Variants in MIS18A observed in about 807,000 individuals in gnomAD.
MIS18A encodes protein Mis18-alpha.
Under a neutral mutation model 25.0 loss-of-function variants are expected in MIS18A, and 14 were observed. The ratio of observed to expected loss-of-function variants is 0.56; its 90% CI spans 0.37 to 0.88. The LOEUF is 0.88. Among genes scored for constraint, MIS18A ranks in the 40% least tolerant of loss-of-function variants. The probability of loss-of-function intolerance (pLI) is 0.00; values close to 1 mark genes in which losing one functional copy is unlikely to be tolerated. For missense variants in MIS18A, 292 were observed against 290.8 expected, an observed-to-expected ratio of 1.00 and a Z score of -0.03; for synonymous variants, 134 against 118.6, an observed-to-expected ratio of 1.13 and a Z score of -0.84.
the MIS18A span, among the ~76,000 whole-genome samples, chr21:32,177,771 T>C: frequency 1.3e-5 from 2 of 152,108 alleles, no homozygotes; most frequent in East Asian, 3.8e-4. Context: ...ATTATATTAT[T>C]AATTAGTAAT....
chr21:32,230,181 T>C, the MIS18A span, among the ~76,000 whole-genome samples: 1 of 152,230 alleles, frequency 6.6e-6, no homozygotes, highest in Non-Finnish European at 1.5e-5. Context: ...ATTATCATCT[T>C]TGGATGGCTA....
chr21:32,260,362 CAAGT>C, the MIS18A span: 3 of 151,376 alleles, frequency 2.0e-5, no homozygotes, highest in Non-Finnish European at 4.4e-5. Flanking sequence ...TCTTGAAGGA[CAAGT>C]AAGAACTGTA....
rs2031660956 is a variant in MIS18A, at chr21:32,268,972, T to C, written c.*65A>G. On this transcript the variant is annotated 3_prime_UTR_variant, in exon 5 of 5. Coordinates refer to ENST00000290130, the MANE Select transcript of MIS18A (RefSeq NM_018944.3). ...TTTTTGTAGAGACGACGTCTCACTA[T>C]GTTGCTTCATTTAACAAATAAGGGG... 3 of 1,175,636 alleles carry C rather than the reference T, an allele frequency of 2.6e-6. No individual in the cohort carries two copies. Among genetic ancestry groups the C allele is most frequent in the East Asian group, 2.4e-5 (1 of 41,984 alleles). 72.8% of individuals were successfully genotyped at this position (1,175,636 alleles called of 1,614,324 possible). A position where few individuals can be genotyped will look rare whatever the true frequency, so the allele number is the denominator to read the frequency against.
the MIS18A span, among the ~76,000 whole-genome samples, chr21:32,184,006 T>C: frequency 1.3e-5 from 2 of 152,196 alleles, no homozygotes; most frequent in African/African-American, 4.8e-5. Context: ...CCAAGTTATA[T>C]ATGAGTCTCA....
chr21:32,244,872 A>C, the MIS18A span, among the ~76,000 whole-genome samples: 1 of 152,236 alleles, frequency 6.6e-6, no homozygotes, highest in Non-Finnish European at 1.5e-5. Flanking sequence ...CCATATTTTA[A>C]AAGTATGCTC....
the MIS18A span, among the ~76,000 whole-genome samples, chr21:32,217,965 G>A: frequency 1.1e-4 from 16 of 151,894 alleles, no homozygotes; most frequent in East Asian, 2.3e-3. Context: ...AGGCTGAGGC[G>A]GGCGGATCAC....
chr21:32,266,763 C>T (rs1438832267), downstream of MIS18A, among the ~76,000 whole-genome samples: 4 of 152,084 alleles, frequency 2.6e-5, no homozygotes, highest in South Asian at 2.1e-4. Flanking sequence ...CGAGAGTCCG[C>T]GGCTTCATTC....
At chr21:32,250,683 C>T in the MIS18A span, among the ~76,000 whole-genome samples, 6 of 152,322 alleles carry the variant, frequency 3.9e-5, no homozygotes, top group African/African-American at 1.2e-4. Flanking sequence ...GCCATCTAGA[C>T]GCCCTTGGCC....
intron 2 of MIS18A, among the ~76,000 whole-genome samples, chr21:32,273,072 T>A (rs766557348): frequency 4.5e-4 from 69 of 151,988 alleles, no homozygotes; most frequent in Non-Finnish European, 7.6e-4. Flanking sequence ...CCACAAACCA[T>A]CTGTACTATT....
At chr21:32,198,566 C>G in the MIS18A span, among the ~76,000 whole-genome samples, 1 of 152,200 alleles carries the variant, frequency 6.6e-6, no homozygotes, top group African/African-American at 2.4e-5. Flanking sequence ...AAGCACTAGG[C>G]AGTCTGCCCG....
the MIS18A span, among the ~76,000 whole-genome samples, chr21:32,247,347 T>C: frequency 7.2e-5 from 11 of 151,862 alleles, no homozygotes; most frequent in Non-Finnish European, 1.5e-4. Context: ...GGAAAAGGAG[T>C]TCCTTAGTGG....
downstream of MIS18A, among the ~76,000 whole-genome samples, chr21:32,266,871 C>T (rs2031615579): frequency 6.6e-6 from 1 of 152,102 alleles, no homozygotes; most frequent in Non-Finnish European, 1.5e-5. Context: ...GCTCATTTAC[C>T]AGAAACGACC....
In MIS18A at chr21:32,270,443, C is replaced by G; in HGVS notation, c.488G>C (p.Arg163Thr). The change falls in exon 3 of 5, where the codon AGA becomes ACA. Residue 163 changes from arginine to threonine, a missense_variant. Coordinates refer to ENST00000290130, the MANE Select transcript of MIS18A (RefSeq NM_018944.3). Reference sequence around the variant, plus strand: ...TTCAACACTGAGGCAAAACAAGTCTCTCTTGTAATCAAGATTCTTGGGCGT... The same window carrying G: ...TTCAACACTGAGGCAAAACAAGTCTGTCTTGTAATCAAGATTCTTGGGCGT... ...RCTPKNLDYK[R>T]DLFCLSVEAI... The G allele has an allele frequency of 6.2e-7, 1 of 1,613,792 alleles. No homozygotes were observed. The highest frequency in any genetic ancestry group is 8.5e-7 in the Non-Finnish European group (1 of 1,179,904).
At chr21:32,278,421 A>T (rs2031858907) in intron 1 of MIS18A, 1 of 493,610 alleles carries the variant, frequency 2.0e-6, no homozygotes, top group Admixed American at 3.9e-5. Flanking sequence ...TTTGTTTCTG[A>T]GTAATGCTCA....
At chr21:32,191,795 C>T in the MIS18A span, among the ~76,000 whole-genome samples, 1 of 151,646 alleles carries the variant, frequency 6.6e-6, no homozygotes, top group Admixed American at 6.6e-5. Context: ...ATTCCAGCTA[C>T]TTGGGAGGCT....
At chr21:32,213,254 C>A in the MIS18A span, among the ~76,000 whole-genome samples, 1 of 152,034 alleles carries the variant, frequency 6.6e-6, no homozygotes, top group African/African-American at 2.4e-5. Context: ...AGATTGGAAA[C>A]AACCCAAATG....
the MIS18A span, among the ~76,000 whole-genome samples, chr21:32,233,845 C>T: frequency 6.6e-6 from 1 of 152,136 alleles, no homozygotes; most frequent in Non-Finnish European, 1.5e-5. Flanking sequence ...TGGACTCAAA[C>T]TGAGCCAAAA....
At chr21:32,215,461 G>A in the MIS18A span, among the ~76,000 whole-genome samples, 2 of 152,130 alleles carry the variant, frequency 1.3e-5, no homozygotes, top group Non-Finnish European at 2.9e-5. Context: ...AAACAGCCCT[G>A]GTAGGCCAAG....
the MIS18A span, among the ~76,000 whole-genome samples, chr21:32,227,552 T>C: frequency 6.6e-6 from 1 of 152,156 alleles, no homozygotes; most frequent in African/African-American, 2.4e-5. Context: ...AATACAGAGA[T>C]TGAATTAGTA....
Sources: gnomAD v4.1 joint callset for allele counts (sites outside exome capture counted in the v4.1 genomes callset) on GRCh38, gnomAD v4.1.1 for gene constraint, MANE v1.5 for transcripts, NCBI Gene and HGNC (gene_info 2026-07-23, HGNC 2026-07-21) for gene names.